Variants in SLC26A1 observed in about 807,000 individuals in gnomAD.
SLC26A1 encodes sulfate anion transporter 1.
In SLC26A1, 18 loss-of-function variants were observed where a neutral mutation model predicts 14.5. The ratio of observed to expected loss-of-function variants is 1.24; its 90% CI spans 0.86 to 1.84. The LOEUF is 1.84. SLC26A1 is among the 40% of genes most tolerant of loss of function. SLC26A1 has a pLI of 0.00. For synonymous variants in SLC26A1, 505 were observed against 492.0 expected (o/e 1.03, Z -0.35); for missense variants, 1,049 against 1,020.0 (o/e 1.03, Z -0.39).
At chr4:981,480 C>T (rs1713539532) in intron 2 of SLC26A1, among the ~76,000 whole-genome samples, 1 of 151,932 alleles carries the variant, frequency 6.6e-6, no homozygotes, top group African/African-American at 2.4e-5. Flanking sequence ...TACAATCAAT[C>T]AATCAATCAA....
rs1713849099 is a variant in SLC26A1 at position 987,741 on chromosome 4, CGT to C, written c.*1090_*1091del. 6.2e-7 allele frequency: 1 copy of C among 1,603,784 alleles called. No individual in the cohort carries two copies. The highest frequency in any genetic ancestry group is 8.5e-7 in the Non-Finnish European group (1 of 1,176,416). On this transcript the variant is annotated 3_prime_UTR_variant, in exon 3 of 3. Coordinates refer to ENST00000398516, the MANE Select transcript of SLC26A1 (RefSeq NM_022042.4). ...GCGCCCGGGCAGTCCTGGGCTTGAA[CGT>C]GTGTGTCAGCCGCGCTGCCAGCCAT...
intron 2 of SLC26A1, 145 bp downstream of exon 2, chr4:990,983 C>T: frequency 1.2e-6 from 1 of 865,660 alleles, no homozygotes; most frequent in Non-Finnish European, 1.7e-6. Context: ...CCCCGGCACG[C>T]CCCAGCTCTG....
rs2153016435 is a variant in SLC26A1 at position 989,236 on chromosome 4, C to T, written c.1703G>A (p.Cys568Tyr). The change falls in exon 3 of 3, where the codon TGC becomes TAC. Residue 568 changes from cysteine to tyrosine, a missense_variant. By Grantham distance (194) the Cys-to-Tyr change is radical. Coordinates refer to ENST00000398516, the MANE Select transcript of SLC26A1 (RefSeq NM_022042.4). ...CCCCTCCTTCCTCCTGGCAGCCATG[C>T]ACCCTGCGTCCAGCCCCGTGAGGCT... ...LYSLTGLDAG[C>Y]MAARRKEGGS... 3 of 1,612,392 alleles carry T rather than the reference C, an allele frequency of 1.9e-6. No individual in the cohort carries two copies. In the East Asian group the frequency reaches 6.7e-5, roughly 36 times the overall value.
In SLC26A1 at chr4:989,507, C is replaced by A; in HGVS notation, c.1432G>T (p.Ala478Ser). The A allele has an allele frequency of 6.4e-7, 1 of 1,553,246 alleles. No homozygotes were observed. Among genetic ancestry groups the A allele is most frequent in the Non-Finnish European group, 8.7e-7 (1 of 1,149,030 alleles). ...PADALVWAGT[A>S]ATCMLVSTEA... is the part of the protein sequence containing the mutation. ...GTGCTGACCAGCATACAGGTGGCCGCGGTGCCTGCCCAGACCAGCGCGTCA... is the reference window on the plus strand; with the variant it reads ...GTGCTGACCAGCATACAGGTGGCCGAGGTGCCTGCCCAGACCAGCGCGTCA... The change falls in exon 3 of 3, where the codon GCG becomes TCG. Residue 478 changes from alanine (A) to serine (S), a missense_variant. Transcript: ENST00000398516.
downstream of SLC26A1, among the ~76,000 whole-genome samples, chr4:983,273 T>A (rs1436709847): frequency 6.6e-6 from 1 of 152,230 alleles, no homozygotes; most frequent in African/African-American, 2.4e-5. Flanking sequence ...TCCTGCCTCC[T>A]GTCTCTGGCC....
At chr4:991,783 C>T (rs987774958) in intron 1 of SLC26A1, 53 bp from the exon 2 acceptor site, 9 of 1,528,126 alleles carry the variant, frequency 5.9e-6, no homozygotes, top group South Asian at 2.4e-5. Context: ...CAGGGCCAAA[C>T]GACAAGGTCC....
chr4:984,689 G>A (rs1161105265), downstream of SLC26A1, among the ~76,000 whole-genome samples: 1 of 152,044 alleles, frequency 6.6e-6, no homozygotes, highest in Non-Finnish European at 1.5e-5. Context: ...AAATTGGCTG[G>A]GCGTGGTGGC....
intron 2 of SLC26A1, 50 bp from the exon 3 acceptor site, chr4:990,412 G>C (rs1560536915): frequency 2.7e-6 from 4 of 1,504,022 alleles, no homozygotes; most frequent in Non-Finnish European, 3.6e-6. Flanking sequence ...GGAGCCACCT[G>C]CCCCTCACCA....
In SLC26A1 at chr4:990,912, C is replaced by T. The variant is rs1278270018; in HGVS notation, c.576+216G>A. 3 of 545,982 alleles carry T rather than the reference C, an allele frequency of 5.5e-6. No homozygotes were observed. The African/African-American group carries it at 5.7e-5, about 10-fold the overall frequency. 33.8% of individuals were successfully genotyped at this position (545,982 alleles called of 1,614,324 possible). ...AAGGCCATGGCCCACCGGACTGGCT[C>T]CCCGTGCCCCTCCCCTCCTGCATCC... On this transcript the variant is annotated intron_variant, in intron 2 of 2. Coordinates refer to ENST00000398516, the MANE Select transcript of SLC26A1 (RefSeq NM_022042.4).
At chr4:986,692 G>C, downstream of SLC26A1, 2 of 443,080 alleles carry the variant, frequency 4.5e-6, no homozygotes, top group Admixed American at 4.8e-5. Flanking sequence ...CGGAGATGGA[G>C]GTTGCAGTGA....
chr4:988,929 C>T lies in SLC26A1; in HGVS notation c.2010G>A (p.Thr670=), dbSNP rs750423355. The T allele has an allele frequency of 1.9e-5, 31 of 1,601,268 alleles. No individual in the cohort carries two copies. The South Asian group carries it at 2.0e-4, about 10-fold the overall frequency. Reference sequence around the variant, plus strand: ...TGAGGAACAGCTGCTCCTCCTCAGCCGTGTCCCCGGGGCCCTCCCCGAGGA... The same window carrying T: ...TGAGGAACAGCTGCTCCTCCTCAGCTGTGTCCCCGGGGCCCTCCCCGAGGA... The part of the protein sequence containing the change: ...GGFLGEGPGD[T]AEEEQLFLSV... The change falls in exon 3 of 3, where the codon ACG becomes ACA. Residue 670 remains threonine (T), a synonymous_variant. Coordinates refer to ENST00000398516, the MANE Select transcript of SLC26A1 (RefSeq NM_022042.4).
intron 1 of SLC26A1, 182 bp from the exon 2 acceptor site, chr4:991,912 G>T: frequency 9.3e-7 from 1 of 1,071,182 alleles, no homozygotes; most frequent in Non-Finnish European, 1.4e-6. Flanking sequence ...TGGACGCTGG[G>T]CCCTGCTGGA....
chr4:986,944 A>AACC, downstream of SLC26A1: 1 of 634,880 alleles, frequency 1.6e-6, no homozygotes, highest in East Asian at 4.0e-5. Flanking sequence ...AGGCCACCCA[A>AACC]CCCCTCCCAC....
Position 989,088 on chromosome 4 carries a change from G to T in SLC26A1, c.1851C>A (p.Ala617=). The T allele has an allele frequency of 6.3e-7, 1 of 1,599,160 alleles. No individual in the cohort carries two copies. The highest frequency in any genetic ancestry group is 8.5e-7 in the Non-Finnish European group (1 of 1,173,394). Residue 617 remains alanine, a synonymous_variant, in exon 3 of 3, where the codon GCC becomes GCA. Transcript: ENST00000398516. ...CGGCTGCGTCTAGGAACAGCAGCGG[G>T]GCGCAGTCGATGACCACTGTGTGGA... ...AGFHTVVIDC[A]PLLFLDAAGV...
In SLC26A1 at chr4:979,351, C is replaced by G; in HGVS notation, c.*55G>C. 4 of 1,009,210 alleles carry G rather than the reference C, an allele frequency of 4.0e-6. No individual in the cohort carries two copies. In the South Asian group the frequency reaches 5.5e-5, roughly 14 times the overall value. The allele number at this position is 1,009,210 out of a possible 1,614,324, so 62.5% of individuals were successfully genotyped here. A position where few individuals can be genotyped will look rare whatever the true frequency, so the allele number is the denominator to read the frequency against. ...CTGTATCCACCGGCTTCTCGTGAGG[C>G]TGGTGTGAGGGTCCCGCATTCTCGA... On this transcript the variant is annotated 3_prime_UTR_variant, in exon 3 of 3. Coordinates refer to the SLC26A1 transcript ENST00000398520.
downstream of SLC26A1, among the ~76,000 whole-genome samples, chr4:985,993 C>T (rs147973186): frequency 3.7e-4 from 57 of 152,180 alleles, no homozygotes; most frequent in African/African-American, 1.2e-3. Flanking sequence ...GATCATGGCC[C>T]GTCTCAGCCT....
chr4:990,285 C>A lies in SLC26A1; in HGVS notation c.654G>T (p.Gly218=), dbSNP rs375888392. Residue 218 remains glycine (G), a synonymous_variant, in exon 3 of 3, where the codon GGG becomes GGT. Transcript: ENST00000398516. ...SQPLLDGFAM[G]ASVTILTSQL... is the part of the protein sequence containing the mutation. ...GCGAGGTCAGGATGGTCACGGAGGC[C>A]CCCATGGCAAAGCCATCGAGCAGTG... The A allele has an allele frequency of 6.2e-7, 1 of 1,602,380 alleles. No individual in the cohort carries two copies. Among genetic ancestry groups the A allele is most frequent in the Non-Finnish European group, 8.5e-7 (1 of 1,176,070 alleles).
chr4:991,188 C>A lies in SLC26A1; in HGVS notation c.516G>T (p.Gly172=). ...CGACACGGATGGCGTAGCAGTCACG[C>A]CCGCAGTCCAGCATGGCAGCCGAGC... ...LNGSAAMLDC[G]RDCYAIRVAT... is the part of the protein sequence containing the mutation. The change falls in exon 2 of 3, where the codon GGG becomes GGT. Residue 172 remains glycine, a synonymous_variant. Coordinates refer to ENST00000398516, the MANE Select transcript of SLC26A1 (RefSeq NM_022042.4). 3 of 1,591,704 alleles carry A rather than the reference C, an allele frequency of 1.9e-6. No individual in the cohort carries two copies. Among genetic ancestry groups the A allele is most frequent in the Non-Finnish European group, 2.6e-6 (3 of 1,166,962 alleles).
In SLC26A1 at chr4:991,737, C is replaced by G; in HGVS notation, c.-27-7G>C. 1 of 1,527,574 alleles carries G rather than the reference C, an allele frequency of 6.5e-7. No individual in the cohort carries two copies. The highest frequency in any genetic ancestry group is 8.7e-7 in the Non-Finnish European group (1 of 1,143,502). The allele number at this position is 1,527,574 out of a possible 1,614,324, so 94.6% of individuals were successfully genotyped here. ...GTCAGGTCCCGTGGCCGACCTGCGGCCGAGAAGAGGGCATGGTCACAGGAG... is the reference window on the plus strand; with the variant it reads ...GTCAGGTCCCGTGGCCGACCTGCGGGCGAGAAGAGGGCATGGTCACAGGAG... On this transcript the variant is annotated splice_region_variant and splice_polypyrimidine_tract_variant and intron_variant, in intron 1 of 2. Coordinates refer to ENST00000398516, the MANE Select transcript of SLC26A1 (RefSeq NM_022042.4).
Sources: gnomAD v4.1 joint callset for allele counts (sites outside exome capture counted in the v4.1 genomes callset) on GRCh38, gnomAD v4.1.1 for gene constraint, MANE v1.5 for transcripts, NCBI Gene and HGNC (gene_info 2026-07-23, HGNC 2026-07-21) for gene names.